The following ZNF800 variants were observed in gnomAD, a reference collection of about 807,000 sequenced individuals.
ZNF800 encodes zinc finger protein 800.
Under a neutral mutation model 59.5 loss-of-function variants are expected in ZNF800, and 13 were observed. The ratio of observed to expected loss-of-function variants is 0.22; its 90% CI spans 0.14 to 0.35. The LOEUF (loss-of-function observed/expected upper bound fraction) is 0.35, where lower values mean the gene tolerates loss of function less well. Ranked by LOEUF, ZNF800 falls within the 10% of genes least tolerant of loss-of-function variation. The pLI is 1.00. For missense variants in ZNF800, 621 were observed against 783.7 expected (o/e 0.79, Z 2.48); for synonymous variants, 266 against 265.7 (o/e 1.00, Z -0.01).
intron 3 of ZNF800, 22 bp downstream of exon 3, chr7:127,386,038 A>G (rs980983564): frequency 1.3e-6 from 2 of 1,563,016 alleles, no homozygotes; most frequent in Admixed American, 1.7e-5. Flanking sequence ...AGATTGAAAA[A>G]TATATCCTAA....
In ZNF800 at chr7:127,387,533, C is replaced by G. The variant is rs1019291913; in HGVS notation, c.62-1378G>C. On this transcript the variant is annotated intron_variant, in intron 2 of 5. Transcript: ENST00000265827. ...AACAAGAGGAATGATGTTTTGGGACCAACTCATTTCATTAAGCAAAATTTC... is the reference window on the plus strand; with the variant it reads ...AACAAGAGGAATGATGTTTTGGGACGAACTCATTTCATTAAGCAAAATTTC... Among the ~76,000 whole-genome samples, 4 of 152,250 alleles carry G rather than the reference C, an allele frequency of 2.6e-5. No individual in the cohort carries two copies. In the East Asian group the frequency reaches 7.7e-4, roughly 29 times the overall value.
In ZNF800 at chr7:127,392,519, G is replaced by T. The variant is rs1007872497; in HGVS notation, c.-518C>A. On this transcript the variant is annotated 5_prime_UTR_variant, in exon 1 of 6. Transcript: ENST00000265827. ...ACGGTCCCTCAGGCTTTAGGAGAGG[G>T]GCGGAGAAAAATGGGGGTCTCCCCC... is the stretch of plus-strand genomic sequence containing the variant. The T allele has an allele frequency of 9.6e-5, 32 of 334,402 alleles. No homozygotes were observed. The highest frequency in any genetic ancestry group is 6.6e-4 in the African/African-American group (31 of 47,012). The allele number at this position is 334,402 out of a possible 1,614,324, so 20.7% of individuals were successfully genotyped here.
downstream of ZNF800, among the ~76,000 whole-genome samples, chr7:127,366,749 T>C (rs1193863776): frequency 6.6e-6 from 1 of 152,118 alleles, no homozygotes; most frequent in Non-Finnish European, 1.5e-5. Context: ...AGGGCCATGT[T>C]TTATGCCACT....
chr7:127,346,268 G>A (rs994853930), downstream of ZNF800, among the ~76,000 whole-genome samples: 1 of 152,180 alleles, frequency 6.6e-6, no homozygotes, highest in African/African-American at 2.4e-5. Context: ...GAAAAGGTAT[G>A]AAGAGTAGTC....
chr7:127,362,287 T>C (rs10253460), intron 1 of ZNF800: 23,224 of 152,094 alleles, frequency 0.15, 1,898 homozygotes, highest in Admixed American at 0.2. Flanking sequence ...GATTGAATCA[T>C]TGTCAAGCCT....
chr7:127,378,966 C>G (rs1465888420), intron 3 of ZNF800, among the ~76,000 whole-genome samples: 1 of 151,982 alleles, frequency 6.6e-6, no homozygotes, highest in African/African-American at 2.4e-5. Context: ...AAATATGAAC[C>G]TAAATCCCAG....
At chr7:127,387,934 A>G (rs1801188798) in intron 2 of ZNF800, among the ~76,000 whole-genome samples, 1 of 151,512 alleles carries the variant, frequency 6.6e-6, no homozygotes, top group African/African-American at 2.4e-5. Context: ...ACACACACAC[A>G]CACACACACA....
intron 2 of ZNF800, among the ~76,000 whole-genome samples, chr7:127,388,605 T>C (rs1287361140): frequency 0.015 from 13 of 856 alleles, no homozygotes; most frequent in Non-Finnish European, 0.02. Context: ...ATGTGTTCCA[T>C]TTGTATAAAT....
At chr7:127,390,288 T>A (rs889393510) in intron 2 of ZNF800, among the ~76,000 whole-genome samples, 1 of 152,170 alleles carries the variant, frequency 6.6e-6, no homozygotes, top group Non-Finnish European at 1.5e-5. Context: ...AAGTGATATA[T>A]CTGCAGTTCA....
intron 2 of ZNF800, among the ~76,000 whole-genome samples, 172 bp downstream of exon 2, chr7:127,391,325 G>C (rs1421879551): frequency 2.0e-5 from 3 of 152,034 alleles, no homozygotes; most frequent in African/African-American, 7.3e-5. Context: ...GATCAAGCAG[G>C]GGAGACCTCT....
At chr7:127,356,444 TC>T in intron 1 of ZNF800, among the ~76,000 whole-genome samples, 1 of 152,202 alleles carries the variant, frequency 6.6e-6, no homozygotes, top group East Asian at 1.9e-4. Flanking sequence ...AAGCATATAT[TC>T]TAAAATTCTA....
At chr7:127,351,113 A>C (rs1462133354) in intron 1 of ZNF800, among the ~76,000 whole-genome samples, 3 of 152,190 alleles carry the variant, frequency 2.0e-5, no homozygotes, top group Non-Finnish European at 4.4e-5. Flanking sequence ...ATGTCATTTG[A>C]CAGAAGTAGG....
intron 1 of ZNF800, chr7:127,363,298 A>G (rs893683821): frequency 5.3e-5 from 8 of 152,104 alleles, no homozygotes; most frequent in Non-Finnish European, 1.2e-4. Context: ...TATGGAAGTG[A>G]TAAGTGATAC....
rs1420107325 is a variant in ZNF800, at chr7:127,354,835, T to C, written n.225-6792A>G. ...AAATACTAAATCTCTAGATTCTCCATGTACAACTCAACAGAATTATGGCTC... is the reference window on the plus strand; with the variant it reads ...AAATACTAAATCTCTAGATTCTCCACGTACAACTCAACAGAATTATGGCTC... On this transcript the variant is annotated intron_variant and non_coding_transcript_variant, in intron 1 of 1. Transcript: ENST00000485577. Among the ~76,000 whole-genome samples, 5 of 152,120 alleles carry C rather than the reference T, an allele frequency of 3.3e-5. No homozygotes were observed. In the South Asian group the frequency reaches 1.0e-3, roughly 31 times the overall value.
chr7:127,392,072 G>A lies in ZNF800; in HGVS notation c.-71C>T. 1 of 390,858 alleles carries A rather than the reference G, an allele frequency of 2.6e-6. No homozygotes were observed. The highest frequency in any genetic ancestry group is 4.5e-6 in the Non-Finnish European group (1 of 221,292). 24.2% of individuals were successfully genotyped at this position (390,858 alleles called of 1,614,324 possible). A position where few individuals can be genotyped will look rare whatever the true frequency, so the allele number is the denominator to read the frequency against. ...GCGCCCAACTTACTCAACTCTTAGG[G>A]CGGGCCGGCGGGCGGGCGGAAGGAA... is the stretch of plus-strand genomic sequence containing the variant. On this transcript the variant is annotated 5_prime_UTR_variant, in exon 1 of 6. Transcript: ENST00000265827.
downstream of ZNF800, among the ~76,000 whole-genome samples, chr7:127,343,791 A>G (rs1218736521): frequency 6.6e-6 from 1 of 152,104 alleles, no homozygotes; most frequent in Non-Finnish European, 1.5e-5. Flanking sequence ...CCATTATTTA[A>G]CAGGATACAT....
At chr7:127,378,726 C>CAA (rs1800862292) in intron 3 of ZNF800, among the ~76,000 whole-genome samples, 1 of 150,414 alleles carries the variant, frequency 6.6e-6, no homozygotes, top group African/African-American at 2.5e-5. Flanking sequence ...CATACACACA[C>CAA]ACACAGAGAG....
intron 3 of ZNF800, among the ~76,000 whole-genome samples, chr7:127,382,237 C>A (rs1800998629): frequency 6.6e-6 from 1 of 152,160 alleles, no homozygotes; most frequent in African/African-American, 2.4e-5. Flanking sequence ...CTTCTCTTTT[C>A]CCCTCATTTT....
At chr7:127,356,906 T>C (rs535498216) in intron 1 of ZNF800, among the ~76,000 whole-genome samples, 2 of 152,150 alleles carry the variant, frequency 1.3e-5, no homozygotes, top group South Asian at 4.1e-4. Flanking sequence ...AGCCATAAAA[T>C]TTACTATATT....
Sources: allele counts gnomAD v4.1 joint callset (sites outside exome capture counted in the v4.1 genomes callset), GRCh38; gene constraint gnomAD v4.1.1; transcripts MANE v1.5; gene names NCBI Gene and HGNC (gene_info 2026-07-23, HGNC 2026-07-21).